OTOA: variants seen among roughly 807,000 people sequenced by gnomAD.
The protein encoded by OTOA is otoancorin.
A neutral mutation model predicts 110.8 loss-of-function variants in OTOA; 70 were observed. The ratio of observed to expected loss-of-function variants is 0.63; its 90% CI spans 0.52 to 0.77. OTOA has a LOEUF of 0.77. OTOA is among the 30% of genes least tolerant of loss of function. The pLI is 0.00. For synonymous variants in OTOA, 373 were observed against 431.5 expected (o/e 0.86, Z 1.68); for missense variants, 917 against 1,075.8 (o/e 0.85, Z 2.06).
intron 19 of OTOA, 23 bp from the exon 20 acceptor site, chr16:21,728,218 T>C: frequency 3.7e-6 from 6 of 1,614,038 alleles, no homozygotes; most frequent in Non-Finnish European, 1.7e-6. Context: ...GAACTGCCCA[T>C]TGGCTCCACT....
chr16:21,734,192 A>G (rs1454053670), intron 21 of OTOA, among the ~76,000 whole-genome samples: 2 of 150,434 alleles, frequency 1.3e-5, no homozygotes, highest in Admixed American at 1.3e-4. Context: ...ATGTGGCCAT[A>G]AAAAAGAATG....
At position 21,751,625 on chromosome 16, in the gene OTOA, A is replaced by T. The variant is rs1363696205; in HGVS notation, c.2776-310A>T. On this transcript the variant is annotated intron_variant, in intron 24 of 28. Coordinates refer to ENST00000646100, the MANE Select transcript of OTOA (RefSeq NM_144672.4). ...AGAAGTTGTATGTCCAAACTGTCTGAGGGTCATAAGAGTGACTGAAGGAAA... is the reference window on the plus strand; with the variant it reads ...AGAAGTTGTATGTCCAAACTGTCTGTGGGTCATAAGAGTGACTGAAGGAAA... Among the ~76,000 whole-genome samples, 2 of 105,860 alleles carry T rather than the reference A, an allele frequency of 1.9e-5. 1 individual carries two copies. The highest frequency in any genetic ancestry group is 4.3e-5 in the Non-Finnish European group (2 of 46,808). 69.4% of individuals were successfully genotyped at this position (105,860 alleles called of 152,430 possible).
intron 20 of OTOA, chr16:21,729,810 T>C (rs1185806550): frequency 1.3e-5 from 2 of 152,182 alleles, no homozygotes. Flanking sequence ...TTTCTCCAGG[T>C]CTTTTTTTGG....
At chr16:21,736,977 T>G (rs568678156) in intron 22 of OTOA, among the ~76,000 whole-genome samples, 1,496 of 152,116 alleles carry the variant, frequency 9.8e-3, no homozygotes, top group Non-Finnish European at 0.014. Context: ...TGGTTTAACA[T>G]AGCAGTGACA....
chr16:21,711,826 C>T (rs1898366959), intron 13 of OTOA, among the ~76,000 whole-genome samples: 1 of 152,100 alleles, frequency 6.6e-6, no homozygotes, highest in South Asian at 2.1e-4. Context: ...CAAACTGGCT[C>T]ACAAGGATTG....
intron 1 of OTOA, among the ~76,000 whole-genome samples, chr16:21,665,916 G>A (rs565502328): frequency 2.0e-5 from 3 of 151,784 alleles, no homozygotes; most frequent in East Asian, 1.9e-4. Flanking sequence ...CTGTGGCCTC[G>A]ACCTCCCAGG....
intron 9 of OTOA, among the ~76,000 whole-genome samples, chr16:21,697,037 C>CTTTTTTTT (rs56124254): frequency 3.8e-4 from 25 of 65,046 alleles, no homozygotes; most frequent in South Asian, 7.9e-4. Flanking sequence ...CTACAGCTGG[C>CTTTTTTTT]TTTTTTTTTT....
chr16:21,701,050 T>A (rs1202564582), intron 11 of OTOA, 23 bp downstream of exon 11: 2 of 1,614,024 alleles, frequency 1.2e-6, no homozygotes, highest in Non-Finnish European at 1.7e-6. Flanking sequence ...GCTCTGGGCC[T>A]TGGAGCCCTT....
chr16:21,684,277 G>A (rs891255716), intron 6 of OTOA, among the ~76,000 whole-genome samples: 2 of 152,190 alleles, frequency 1.3e-5, no homozygotes, highest in African/African-American at 4.8e-5. Context: ...TCTGGGTCTA[G>A]AGTTCACCTT....
chr16:21,705,140 C>T, intron 11 of OTOA, 29 bp from the exon 12 acceptor site: 3 of 1,614,186 alleles, frequency 1.9e-6, no homozygotes, highest in Non-Finnish European at 2.5e-6. Context: ...GGTTACACCT[C>T]CACCACCATC....
intron 17 of OTOA, 46 bp downstream of exon 17, chr16:21,719,550 C>T (rs1898665650): frequency 6.5e-7 from 1 of 1,529,958 alleles, no homozygotes; most frequent in Non-Finnish European, 9.1e-7. Flanking sequence ...CTCCCTACCC[C>T]AGTCACTGGG....
In OTOA at chr16:21,691,557, G is replaced by A. The variant is rs752395490; in HGVS notation, c.636-27G>A. The stretch of plus-strand genomic sequence containing the variant: ...TGCAGCCCCCACCTGCTTGTTATTA[G>A]CTGATGCCTGTGTTTGTGTCATTTA... On this transcript the variant is annotated intron_variant, in intron 8 of 28. Transcript: ENST00000646100. 1.0e-5 allele frequency: 16 copies of A among 1,583,894 alleles called. No individual in the cohort carries two copies. In the Admixed American group the frequency reaches 2.2e-4, roughly 22 times the overall value.
chr16:21,689,186 A>C (rs933459510), intron 8 of OTOA, among the ~76,000 whole-genome samples: 1 of 152,292 alleles, frequency 6.6e-6, no homozygotes, highest in Non-Finnish European at 1.5e-5. Flanking sequence ...CACTCTTTCT[A>C]AATCTAAAAA....
chr16:21,682,930 T>G (rs1180620044), intron 6 of OTOA, among the ~76,000 whole-genome samples: 2 of 152,212 alleles, frequency 1.3e-5, no homozygotes, highest in African/African-American at 4.8e-5. Flanking sequence ...GCATCTGCTT[T>G]TCTTTTCTTC....
rs375091519 is a variant in OTOA, at chr16:21,678,454, G to GTATA, written c.-4-45_-4-42dup. 283 of 868,654 alleles carry GTATA rather than the reference G, an allele frequency of 3.3e-4. 1 individual carries two copies. Among genetic ancestry groups the GTATA allele is most frequent in the Admixed American group, 2.9e-3 (133 of 46,020 alleles). 53.8% of individuals were successfully genotyped at this position (868,654 alleles called of 1,614,324 possible). A position where few individuals can be genotyped will look rare whatever the true frequency, so the allele number is the denominator to read the frequency against. ...TACATGTATATATATGTGTGTGTGT[G>GTATA]TATATATATATATATTAAAAAAACA... On this transcript the variant is annotated intron_variant, in intron 1 of 28. Transcript: ENST00000646100.
chr16:21,723,533 AATTTAT>A (rs1454569252), intron 18 of OTOA, among the ~76,000 whole-genome samples: 1 of 152,156 alleles, frequency 6.6e-6, no homozygotes, highest in African/African-American at 2.4e-5. Flanking sequence ...AATTCCTATT[AATTTAT>A]AAGACCTTAT....
intron 16 of OTOA, 47 bp downstream of exon 16, chr16:21,719,238 C>T: frequency 6.2e-7 from 1 of 1,607,980 alleles, no homozygotes; most frequent in Non-Finnish European, 8.5e-7. Flanking sequence ...CCTTTCAGAG[C>T]CTTCTGCCAG....
intron 9 of OTOA, among the ~76,000 whole-genome samples, chr16:21,695,231 C>CG (rs1190148919): frequency 3.4e-5 from 5 of 146,492 alleles, no homozygotes; most frequent in African/African-American, 1.3e-4. Context: ...GAGACCCCCC[C>CG]CCCCCATACA....
At chr16:21,734,831 G>A (rs985223101) in intron 21 of OTOA, among the ~76,000 whole-genome samples, 4 of 150,152 alleles carry the variant, frequency 2.7e-5, no homozygotes, top group African/African-American at 7.5e-5. Context: ...GCGAGACTCC[G>A]TCTAAACAAA....
Sources: allele counts gnomAD v4.1 joint callset (sites outside exome capture counted in the v4.1 genomes callset), GRCh38; gene constraint gnomAD v4.1.1; transcripts MANE v1.5; gene names NCBI Gene and HGNC (gene_info 2026-07-23, HGNC 2026-07-21).